IPO11: variants seen among roughly 807,000 people sequenced by gnomAD.
The protein encoded by IPO11 is importin-11.
A neutral mutation model predicts 143.2 loss-of-function variants in IPO11; 66 were observed. The ratio of observed to expected loss-of-function variants is 0.46; its 90% CI spans 0.38 to 0.57. IPO11 has a LOEUF of 0.57. IPO11 is among the 20% of genes least tolerant of loss of function. IPO11 has a pLI of 0.00. For missense variants in IPO11, 1,026 were observed against 1,141.0 expected (o/e 0.90, Z 1.45); for synonymous variants, 385 against 377.8 (o/e 1.02, Z -0.22).
At chr5:62,474,347 C>T in intron 7 of IPO11, 69 bp from the exon 8 acceptor site, 14 of 927,888 alleles carry the variant, frequency 1.5e-5, no homozygotes, top group East Asian at 2.9e-5. Flanking sequence ...TTTTGGTATC[C>T]CTGAAAAAGA....
intron 1 of IPO11, among the ~76,000 whole-genome samples, chr5:62,429,561 G>T (rs549329495): frequency 6.7e-6 from 1 of 149,506 alleles, no homozygotes; most frequent in Non-Finnish European, 1.5e-5. Context: ...AATTACAGGC[G>T]CACACCACCA....
intron 27 of IPO11, among the ~76,000 whole-genome samples, chr5:62,590,322 T>C (rs1744962122): frequency 6.6e-6 from 1 of 152,332 alleles, no homozygotes; most frequent in South Asian, 2.1e-4. Flanking sequence ...TTTCAATAAA[T>C]TGTTGTTCTT....
chr5:62,610,414 T>A (rs766636736), intron 29 of IPO11, among the ~76,000 whole-genome samples: 2 of 152,200 alleles, frequency 1.3e-5, no homozygotes, highest in South Asian at 4.1e-4. Flanking sequence ...CTTCTCATTT[T>A]GCATTGAGAA....
chr5:62,589,815 A>G (rs1261192064), intron 27 of IPO11, among the ~76,000 whole-genome samples: 1 of 152,196 alleles, frequency 6.6e-6, no homozygotes, highest in Admixed American at 6.5e-5. Flanking sequence ...TGTGGCCCCT[A>G]GATTCAAAAA....
intron 22 of IPO11, among the ~76,000 whole-genome samples, chr5:62,535,916 C>T (rs1394204491): frequency 6.6e-6 from 1 of 152,098 alleles, no homozygotes; most frequent in East Asian, 1.9e-4. Flanking sequence ...TAATTTTACA[C>T]GTACAGCCTG....
At chr5:62,419,128 G>C (rs762294823) in intron 1 of IPO11, 1 of 1,548,590 alleles carries the variant, frequency 6.5e-7, no homozygotes, top group Non-Finnish European at 8.7e-7. Context: ...TCACAAAATG[G>C]TAAGTATTTG....
chr5:62,495,715 C>T (rs1178785382), intron 16 of IPO11, among the ~76,000 whole-genome samples: 2 of 152,138 alleles, frequency 1.3e-5, no homozygotes, highest in African/African-American at 2.4e-5. Context: ...AAACGATTCA[C>T]CCACCTCAGC....
chr5:62,444,761 G>C (rs1744654742), intron 3 of IPO11, among the ~76,000 whole-genome samples: 1 of 151,868 alleles, frequency 6.6e-6, no homozygotes, highest in Admixed American at 6.6e-5. Context: ...CCCAGTTGCT[G>C]GGGAGGGTGA....
intron 22 of IPO11, among the ~76,000 whole-genome samples, chr5:62,533,822 G>A (rs1347729655): frequency 1.3e-5 from 2 of 152,056 alleles, no homozygotes; most frequent in African/African-American, 4.8e-5. Context: ...AGCCGGCCTT[G>A]GTGGCCCGTG....
chr5:62,435,611 C>T lies in IPO11; in HGVS notation c.-6-1663C>T, dbSNP rs539873795. ...TTAATCTGGGCTGCGCATGGTGGCT[C>T]GCGCCTGTAATCCCAGCACTTTGGG... On this transcript the variant is annotated intron_variant, in intron 1 of 29. Coordinates refer to ENST00000325324, the MANE Select transcript of IPO11 (RefSeq NM_016338.5). Among the ~76,000 whole-genome samples the T allele has an allele frequency of 8.6e-5, 13 of 151,662 alleles. No individual in the cohort carries two copies. In the South Asian group the frequency reaches 1.7e-3, roughly 20 times the overall value.
In IPO11 at chr5:62,511,571, C is replaced by T. The variant is rs1002097199; in HGVS notation, c.1783-3817C>T. 3.9e-5 allele frequency among the ~76,000 whole-genome samples: 6 copies of T among 152,286 alleles called. No individual in the cohort carries two copies. In the East Asian group the frequency reaches 1.2e-3, roughly 29 times the overall value. On this transcript the variant is annotated intron_variant, in intron 19 of 29. Transcript: ENST00000325324. ...TATTTTTCTGCATTCCCCACTAACA[C>T]TTCACCACAGGAGAGGGGAGCAAAT...
Position 62,484,097 on chromosome 5 carries a change from T to C in IPO11, c.1109T>C (p.Val370Ala). The C allele has an allele frequency of 6.2e-7, 1 of 1,611,584 alleles. No individual in the cohort carries two copies. Among genetic ancestry groups the C allele is most frequent in the Non-Finnish European group, 8.5e-7 (1 of 1,178,814 alleles). ...PTLTEICRRL[V>A]SHYFLLTEEE... ...TTGACAGAGATATGTAGAAGATTAG[T>C]CTCTCATTATTTCCTATTAACTGAA... is the stretch of plus-strand genomic sequence containing the variant. Residue 370 changes from valine to alanine, a missense_variant, in exon 11 of 30, where the codon GTC (valine) becomes GCC (alanine). Physicochemically the swap from Val to Ala is moderately conservative, Grantham distance 64. Coordinates refer to ENST00000325324, the MANE Select transcript of IPO11 (RefSeq NM_016338.5).
chr5:62,534,266 A>T (rs754472123), intron 22 of IPO11, among the ~76,000 whole-genome samples: 1 of 152,198 alleles, frequency 6.6e-6, no homozygotes, highest in East Asian at 1.9e-4. Flanking sequence ...AAAGATCAGC[A>T]TGTGACTGGC....
At chr5:62,430,412 C>T (rs963865098) in intron 1 of IPO11, among the ~76,000 whole-genome samples, 1 of 152,080 alleles carries the variant, frequency 6.6e-6, no homozygotes, top group Non-Finnish European at 1.5e-5. Flanking sequence ...CCTTGACCTC[C>T]AGGGCTCAAG....
chr5:62,485,539 A>G (rs1746366522), intron 12 of IPO11, 77 bp downstream of exon 12: 4 of 1,163,702 alleles, frequency 3.4e-6, no homozygotes, highest in African/African-American at 1.5e-5. Flanking sequence ...ATGACACTCT[A>G]TTAAAGATTC....
intron 28 of IPO11, among the ~76,000 whole-genome samples, chr5:62,592,813 G>A (rs753380426): frequency 1.3e-5 from 2 of 152,048 alleles, no homozygotes; most frequent in African/African-American, 4.8e-5. Context: ...TCACAAGCAC[G>A]AGAACAGCAT....
chr5:62,452,035 G>C, intron 5 of IPO11, 102 bp downstream of exon 5: 1 of 873,634 alleles, frequency 1.1e-6, no homozygotes, highest in Non-Finnish European at 1.9e-6. Context: ...GAGGCGGGTG[G>C]ATCACGAGGT....
At chr5:62,440,563 G>A (rs1744432123) in intron 2 of IPO11, among the ~76,000 whole-genome samples, 1 of 151,830 alleles carries the variant, frequency 6.6e-6, no homozygotes, top group Admixed American at 6.6e-5. Flanking sequence ...CACCATGTTG[G>A]CCAGGCTGGT....
chr5:62,490,263 T>G, intron 15 of IPO11, 43 bp downstream of exon 15: 1 of 1,257,790 alleles, frequency 8.0e-7, no homozygotes, highest in East Asian at 2.6e-5. Context: ...TACTTTACCT[T>G]ATTTATTTTA....
Sources: allele counts gnomAD v4.1 joint callset (sites outside exome capture counted in the v4.1 genomes callset), GRCh38; gene constraint gnomAD v4.1.1; transcripts MANE v1.5; gene names NCBI Gene and HGNC (gene_info 2026-07-23, HGNC 2026-07-21).